KALRN: variants seen among roughly 807,000 people sequenced by gnomAD.
KALRN encodes kalirin.
A neutral mutation model predicts 353.7 loss-of-function variants in KALRN; 70 were observed. The ratio of observed to expected loss-of-function variants is 0.20; its 90% CI spans 0.16 to 0.24. KALRN has a LOEUF of 0.24. Ranked by LOEUF, KALRN falls within the 10% of genes least tolerant of loss-of-function variation. The pLI is 1.00. For missense variants in KALRN, 2,791 were observed against 3,756.7 expected (o/e 0.74, Z 6.72); for synonymous variants, 1,391 against 1,434.8 (o/e 0.97, Z 0.69).
chr3:124,454,411 CT>C (rs1279486626), intron 21 of KALRN, among the ~76,000 whole-genome samples: 1 of 152,134 alleles, frequency 6.6e-6, no homozygotes, highest in Non-Finnish European at 1.5e-5. Context: ...CACCTACTTC[CT>C]AAGGATGCAT....
At chr3:124,349,470 C>G (rs902323890) in intron 10 of KALRN, among the ~76,000 whole-genome samples, 2 of 151,902 alleles carry the variant, frequency 1.3e-5, no homozygotes, top group African/African-American at 4.8e-5. Flanking sequence ...TTTTTTTTAG[C>G]TCATCAGCTA....
At chr3:124,716,969 T>C (rs1231134267) in intron 58 of KALRN, among the ~76,000 whole-genome samples, 1 of 152,232 alleles carries the variant, frequency 6.6e-6, no homozygotes, top group East Asian at 1.9e-4. Flanking sequence ...ACAACTTTTT[T>C]CTTGTGAGCA....
At chr3:124,712,828 CT>C (rs2062957583) in intron 57 of KALRN, 106 bp from the exon 58 acceptor site, 4 of 675,520 alleles carry the variant, frequency 5.9e-6, no homozygotes, top group Non-Finnish European at 1.0e-5. Context: ...AGTAGGATTC[CT>C]AATAAGATCT....
chr3:124,366,529 A>C (rs2084716824), intron 10 of KALRN, among the ~76,000 whole-genome samples: 1 of 148,692 alleles, frequency 6.7e-6, no homozygotes, highest in Non-Finnish European at 1.5e-5. Context: ...GGGTAAGGTC[A>C]CAGATCAACA....
At chr3:124,277,996 A>ATGTGTG (rs3054178) in intron 5 of KALRN, among the ~76,000 whole-genome samples, 19,213 of 146,054 alleles carry the variant, frequency 0.13, 1,285 homozygotes, top group South Asian at 0.21. Context: ...GAGATGAACT[A>ATGTGTG]TGTGTGTGTG....
chr3:124,159,443 T>A (rs1323493159), intron 1 of KALRN, among the ~76,000 whole-genome samples: 2 of 152,084 alleles, frequency 1.3e-5, no homozygotes, highest in Non-Finnish European at 2.9e-5. Context: ...ACCCATTTTT[T>A]GTATTTTTTG....
At chr3:124,705,438 T>C (rs2062556616) in intron 57 of KALRN, among the ~76,000 whole-genome samples, 1 of 152,138 alleles carries the variant, frequency 6.6e-6, no homozygotes, top group Non-Finnish European at 1.5e-5. Context: ...ATAAATGACC[T>C]TCAAGACCTG....
At chr3:124,207,664 G>A (rs576048410) in intron 1 of KALRN, among the ~76,000 whole-genome samples, 1 of 152,148 alleles carries the variant, frequency 6.6e-6, no homozygotes, top group Non-Finnish European at 1.5e-5. Flanking sequence ...ATGACCTTGG[G>A]TGCATTATTT....
chr3:124,410,195 T>C, intron 13 of KALRN: 2 of 532,628 alleles, frequency 3.8e-6, no homozygotes, highest in Non-Finnish European at 7.7e-6. Flanking sequence ...CGTGACTCTC[T>C]TCTCCCTCAC....
intron 9 of KALRN, among the ~76,000 whole-genome samples, chr3:124,336,306 C>T (rs1312276806): frequency 1.3e-5 from 2 of 152,092 alleles, no homozygotes; most frequent in African/African-American, 2.4e-5. Flanking sequence ...CCTACTCCTG[C>T]CATCTGGAGC....
At chr3:124,383,238 A>G (rs1478010920) in intron 10 of KALRN, among the ~76,000 whole-genome samples, 3 of 152,176 alleles carry the variant, frequency 2.0e-5, no homozygotes, top group Non-Finnish European at 4.4e-5. Context: ...CCCAGGTCCT[A>G]TGCCAGTACA....
At chr3:124,473,329 A>G (rs1299785281) in intron 25 of KALRN, among the ~76,000 whole-genome samples, 2 of 152,190 alleles carry the variant, frequency 1.3e-5, no homozygotes, top group Admixed American at 1.3e-4. Flanking sequence ...GTATCCTTTA[A>G]TTCAATTTTT....
At chr3:124,042,441 C>G (rs1379362844) in intron 1 of KALRN, among the ~76,000 whole-genome samples, 1 of 152,052 alleles carries the variant, frequency 6.6e-6, no homozygotes. Flanking sequence ...AGGGGAGGGA[C>G]TGTTGGTTGG....
At chr3:124,368,635 A>G (rs1434060509) in intron 10 of KALRN, among the ~76,000 whole-genome samples, 9 of 146,120 alleles carry the variant, frequency 6.2e-5, no homozygotes, top group Non-Finnish European at 1.2e-4. Flanking sequence ...CCAGGCAGAG[A>G]CACTCCTCAC....
intron 1 of KALRN, chr3:124,152,556 TCTTTTC>T: frequency 1.6e-6 from 1 of 631,940 alleles, no homozygotes; most frequent in South Asian, 1.8e-5. Context: ...CTTTTTCTTT[TCTTTTC>T]TTTTCTTTTC....
At chr3:124,658,576 A>G in intron 42 of KALRN, 59 bp downstream of exon 42, 1 of 1,285,478 alleles carries the variant, frequency 7.8e-7, no homozygotes, top group Non-Finnish European at 1.1e-6. Flanking sequence ...CAAAACAGCC[A>G]CTTTCAGAAA....
At chr3:124,380,129 T>A (rs369716314) in intron 10 of KALRN, among the ~76,000 whole-genome samples, 2 of 152,190 alleles carry the variant, frequency 1.3e-5, no homozygotes, top group South Asian at 4.1e-4. Context: ...CACTTCATAT[T>A]ACCAAGGAAG....
intron 33 of KALRN, among the ~76,000 whole-genome samples, chr3:124,525,193 T>A (rs2067483771): frequency 6.6e-6 from 1 of 152,186 alleles, no homozygotes; most frequent in Non-Finnish European, 1.5e-5. Flanking sequence ...TGGGTGGATG[T>A]GGACATGGAT....
intron 33 of KALRN, among the ~76,000 whole-genome samples, chr3:124,546,046 T>C (rs559537218): frequency 6.6e-6 from 1 of 152,348 alleles, no homozygotes; most frequent in East Asian, 1.9e-4. Context: ...AGTAACTTAC[T>C]ATGGGAAAGG....
Sources: gnomAD v4.1 joint callset for allele counts (sites outside exome capture counted in the v4.1 genomes callset) on GRCh38, gnomAD v4.1.1 for gene constraint, MANE v1.5 for transcripts, NCBI Gene and HGNC (gene_info 2026-07-23, HGNC 2026-07-21) for gene names.